Variants in IL18R1 observed in about 807,000 individuals in gnomAD.
IL18R1 encodes interleukin-18 receptor 1.
IL18R1 carries 40 observed loss-of-function variants against 48.5 expected under a neutral mutation model. The ratio of observed to expected loss-of-function variants is 0.82; its 90% CI spans 0.64 to 1.07. The LOEUF (loss-of-function observed/expected upper bound fraction) is 1.07. Among genes scored for constraint, IL18R1 ranks in the 50% least tolerant of loss-of-function variants. IL18R1 has a pLI of 0.00. For missense variants in IL18R1, 596 were observed against 633.7 expected (o/e 0.94, Z 0.64); for synonymous variants, 232 against 225.9 (o/e 1.03, Z -0.24).
Position 102,395,829 on chromosome 2 carries a change from C to T in IL18R1, c.1271-702C>T, listed in dbSNP as rs551928409. 5.9e-5 allele frequency among the ~76,000 whole-genome samples: 9 copies of T among 152,296 alleles called. No homozygotes were observed. In the South Asian group the frequency reaches 1.4e-3, roughly 25 times the overall value. On this transcript the variant is annotated intron_variant, in intron 10 of 10. Transcript: ENST00000233957. ...ACAGGGGTTGGCAGTTTACCAGCCA[C>T]GGGTTCCATCACACCTGCAACCCTT... is the stretch of plus-strand genomic sequence containing the variant.
intron 6 of IL18R1, among the ~76,000 whole-genome samples, chr2:102,383,394 C>T (rs960976525): frequency 6.6e-6 from 1 of 152,170 alleles, no homozygotes; most frequent in African/African-American, 2.4e-5. Flanking sequence ...GTGAATATCT[C>T]CAGCTATTAT....
intron 3 of IL18R1, among the ~76,000 whole-genome samples, chr2:102,369,032 A>G (rs1349692108): frequency 6.6e-6 from 1 of 152,218 alleles, no homozygotes; most frequent in Non-Finnish European, 1.5e-5. Flanking sequence ...TCAGAAAAAA[A>G]TTAAATAACT....
At chr2:102,378,560 G>A (rs2080289) in intron 5 of IL18R1, among the ~76,000 whole-genome samples, 36,176 of 152,094 alleles carry the variant, frequency 0.24, 4,763 homozygotes, top group East Asian at 0.41. Context: ...CTCAAATGTC[G>A]CTCCTCCTTC....
chr2:102,382,274 A>AAAT (rs963661956), intron 6 of IL18R1, among the ~76,000 whole-genome samples: 3 of 152,022 alleles, frequency 2.0e-5, no homozygotes, highest in Non-Finnish European at 4.4e-5. Context: ...TCTATCTCAA[A>AAAT]AATAATAATA....
Position 102,381,653 on chromosome 2 carries a change from C to A in IL18R1, c.659C>A (p.Pro220Gln). 6.2e-7 allele frequency: 1 copy of A among 1,612,782 alleles called. No homozygotes were observed. Among genetic ancestry groups the A allele is most frequent in the Non-Finnish European group, 8.5e-7 (1 of 1,178,860 alleles). Residue 220 changes from proline to glutamine, a missense_variant, in exon 6 of 11, where the codon CCA becomes CAA. Pro to Gln is a moderately conservative substitution (Grantham distance 76, BLOSUM62 -1). This residue lies in a region of IL18R1 where 360 missense variants were observed against 339.4 expected (regional missense o/e 1.06). Coordinates refer to ENST00000233957, the MANE Select transcript of IL18R1 (RefSeq NM_003855.5). Reference sequence around the variant, plus strand: ...AATATAGTTCCGGTTCTTCTTGGACCAAAGCTTAACCATGTTGCAGTGGAA... The same window carrying A: ...AATATAGTTCCGGTTCTTCTTGGACAAAAGCTTAACCATGTTGCAGTGGAA... ...RSNIVPVLLG[P>Q]KLNHVAVELG...
At chr2:102,394,654 T>G (rs1680727031) in intron 10 of IL18R1, 27 bp downstream of exon 10, 5 of 1,555,626 alleles carry the variant, frequency 3.2e-6, no homozygotes, top group Middle Eastern at 1.7e-4. Flanking sequence ...GATAGAAAAA[T>G]ATTCAAGATA....
intron 2 of IL18R1, among the ~76,000 whole-genome samples, chr2:102,363,333 GA>G (rs1039923439): frequency 1.2e-4 from 19 of 152,228 alleles, no homozygotes; most frequent in African/African-American, 4.6e-4. Flanking sequence ...TATTATCTAG[GA>G]GAGGGAAACA....
At chr2:102,372,861 C>T (rs545375550) in intron 4 of IL18R1, among the ~76,000 whole-genome samples, 35 of 152,232 alleles carry the variant, frequency 2.3e-4, no homozygotes, top group Non-Finnish European at 4.7e-4. Context: ...TTCCACAAAT[C>T]CTTGGGTGTT....
Position 102,384,975 on chromosome 2 carries a change from T to C in IL18R1, c.786T>C (p.His262=), listed in dbSNP as rs779355793. The change falls in exon 7 of 11, where the codon CAT becomes CAC. Residue 262 remains histidine (H), a synonymous_variant. Transcript: ENST00000233957. ...AAAATGGATCGGATCCTAATATACA[T>C]GAAGAGAAAGAAATGAGAATTATGT... ...GEENGSDPNI[H]EEKEMRIMTP... is the part of the protein sequence containing the mutation. The C allele has an allele frequency of 1.3e-6, 2 of 1,592,748 alleles. No homozygotes were observed. The highest frequency in any genetic ancestry group is 1.7e-6 in the Non-Finnish European group (2 of 1,161,688).
chr2:102,386,450 T>A (rs766660685), intron 7 of IL18R1, among the ~76,000 whole-genome samples: 12 of 152,196 alleles, frequency 7.9e-5, no homozygotes, highest in Non-Finnish European at 1.5e-5. Context: ...CATGGACAAA[T>A]GTAATACGAA....
In IL18R1 at chr2:102,396,940, A is replaced by G; in HGVS notation, c.*54A>G. On this transcript the variant is annotated 3_prime_UTR_variant, in exon 11 of 11. Coordinates refer to ENST00000233957, the MANE Select transcript of IL18R1 (RefSeq NM_003855.5). ...ACTCAAGATATTCTGGGGACTGAGCATATGAACCTGTTCATAACAAAGGCT... is the reference window on the plus strand; with the variant it reads ...ACTCAAGATATTCTGGGGACTGAGCGTATGAACCTGTTCATAACAAAGGCT... 9.4e-7 allele frequency: 1 copy of G among 1,060,920 alleles called. No homozygotes were observed. Among genetic ancestry groups the G allele is most frequent in the South Asian group, 1.5e-5 (1 of 64,748 alleles). 65.7% of individuals were successfully genotyped at this position (1,060,920 alleles called of 1,614,324 possible).
In IL18R1 at chr2:102,370,560, A is replaced by G. The variant is rs777914293; in HGVS notation, c.303-1393A>G. Among the ~76,000 whole-genome samples the G allele has an allele frequency of 3.9e-5, 6 of 152,342 alleles. No homozygotes were observed. In the East Asian group the frequency reaches 1.2e-3, roughly 29 times the overall value. ...CTGCCACATTCTCCAGTCACGGCCA[A>G]TCTTTTATAAATTCATGCCCAAGGT... On this transcript the variant is annotated intron_variant, in intron 3 of 10. Coordinates refer to ENST00000233957, the MANE Select transcript of IL18R1 (RefSeq NM_003855.5).
chr2:102,378,246 A>T (rs1397527119), intron 5 of IL18R1, among the ~76,000 whole-genome samples: 12 of 152,120 alleles, frequency 7.9e-5, no homozygotes, highest in African/African-American at 2.2e-4. Context: ...AATCCTCACA[A>T]CAGCTCTGTG....
chr2:102,384,239 C>T (rs1680089808), intron 6 of IL18R1, among the ~76,000 whole-genome samples: 1 of 152,196 alleles, frequency 6.6e-6, no homozygotes, highest in African/African-American at 2.4e-5. Flanking sequence ...GAGACTTGCT[C>T]TCCTGATTAC....
At chr2:102,371,238 T>A (rs6733346) in intron 3 of IL18R1, among the ~76,000 whole-genome samples, 1 of 151,716 alleles carries the variant, frequency 6.6e-6, no homozygotes, top group Non-Finnish European at 1.5e-5. Context: ...TTGGCCAGGC[T>A]GGTCTCAAAC....
intron 9 of IL18R1, 57 bp from the exon 10 acceptor site, chr2:102,394,412 G>C: frequency 7.3e-7 from 1 of 1,364,754 alleles, no homozygotes; most frequent in Non-Finnish European, 1.0e-6. Context: ...ACTTAAGTTT[G>C]TACTTAAATA....
chr2:102,390,271 A>G, intron 9 of IL18R1, 54 bp downstream of exon 9: 1 of 1,447,764 alleles, frequency 6.9e-7, no homozygotes, highest in Non-Finnish European at 9.7e-7. Context: ...AAGAAATCAG[A>G]TAAATAGGCA....
intron 7 of IL18R1, among the ~76,000 whole-genome samples, chr2:102,385,610 T>G (rs1436179523): frequency 1.3e-5 from 2 of 152,232 alleles, no homozygotes; most frequent in African/African-American, 4.8e-5. Context: ...CTGCACTTGT[T>G]GAGTTTTTTC....
chr2:102,367,086 G>T (rs1315239948), intron 2 of IL18R1, among the ~76,000 whole-genome samples: 2 of 152,176 alleles, frequency 1.3e-5, no homozygotes, highest in Non-Finnish European at 2.9e-5. Context: ...TGCTGAACTT[G>T]AAGTACCACA....
Sources: gnomAD v4.1 joint callset for allele counts (sites outside exome capture counted in the v4.1 genomes callset) on GRCh38, gnomAD v4.1.1 for gene constraint, gnomAD v4.1.1 regional missense constraint, MANE v1.5 for transcripts, NCBI Gene and HGNC (gene_info 2026-07-23, HGNC 2026-07-21) for gene names.